The following KLHL1 variants were observed in gnomAD, a reference collection of about 807,000 sequenced individuals.
The protein encoded by KLHL1 is kelch-like protein 1.
In KLHL1, 47 loss-of-function variants were observed where a neutral mutation model predicts 77.7. That is an observed-to-expected ratio of 0.60 (90% confidence interval 0.48 to 0.77). KLHL1 has a LOEUF of 0.77. Among genes scored for constraint, KLHL1 ranks in the 30% least tolerant of loss-of-function variants. The pLI is 0.00. For synonymous variants in KLHL1, 360 were observed against 325.2 expected (o/e 1.11, Z -1.15); for missense variants, 925 against 910.8 (o/e 1.02, Z -0.20).
At chr13:70,058,430 A>C (rs1259219570) in intron 1 of KLHL1, among the ~76,000 whole-genome samples, 1 of 152,216 alleles carries the variant, frequency 6.6e-6, no homozygotes, top group African/African-American at 2.4e-5. Context: ...TATGTATGCC[A>C]AGAGTGAACA....
chr13:69,779,671 G>A (rs1876033239), intron 7 of KLHL1, among the ~76,000 whole-genome samples: 1 of 151,818 alleles, frequency 6.6e-6, no homozygotes. Flanking sequence ...TATCAAATCT[G>A]CCTTAGTAGT....
intron 1 of KLHL1, among the ~76,000 whole-genome samples, chr13:70,056,297 T>A (rs1886742526): frequency 6.6e-6 from 1 of 152,040 alleles, no homozygotes; most frequent in Non-Finnish European, 1.5e-5. Context: ...ATAACAATTG[T>A]AAATATATAT....
intron 1 of KLHL1, among the ~76,000 whole-genome samples, chr13:70,037,911 T>C (rs745898192): frequency 8.5e-5 from 13 of 152,176 alleles, no homozygotes; most frequent in Non-Finnish European, 1.9e-4. Flanking sequence ...TTTACCACTT[T>C]AGACTTTTTT....
At chr13:70,103,713 C>A (rs958658539) in intron 1 of KLHL1, among the ~76,000 whole-genome samples, 6 of 151,930 alleles carry the variant, frequency 3.9e-5, no homozygotes, top group Non-Finnish European at 7.4e-5. Flanking sequence ...CCAATGTGAC[C>A]CTGGAATTCT....
At chr13:69,856,507 T>C (rs1353324356) in intron 5 of KLHL1, among the ~76,000 whole-genome samples, 5 of 151,994 alleles carry the variant, frequency 3.3e-5, no homozygotes, top group Non-Finnish European at 7.4e-5. Flanking sequence ...GCAAGCAGGG[T>C]AAAATCGCAG....
intron 7 of KLHL1, among the ~76,000 whole-genome samples, chr13:69,773,545 T>A (rs551727794): frequency 6.6e-6 from 1 of 152,138 alleles, no homozygotes; most frequent in African/African-American, 2.4e-5. Context: ...GTAGAATTGC[T>A]AATCTAAATA....
chr13:70,102,362 A>G (rs1182633866), intron 1 of KLHL1, among the ~76,000 whole-genome samples: 2 of 152,230 alleles, frequency 1.3e-5, no homozygotes, highest in Non-Finnish European at 2.9e-5. Flanking sequence ...AAAATAAAAT[A>G]CACTGAATGA....
chr13:69,718,403 A>G (rs1374052982), intron 9 of KLHL1, among the ~76,000 whole-genome samples: 1 of 118,948 alleles, frequency 8.4e-6, no homozygotes. Context: ...GCAATGATCA[A>G]TATTCTAGGT....
chr13:69,975,883 G>T, intron 1 of KLHL1, 81 bp from the exon 2 acceptor site: 5 of 1,391,470 alleles, frequency 3.6e-6, no homozygotes, highest in South Asian at 1.8e-5. Flanking sequence ...ATAACATACA[G>T]GTTTTTATCA....
intron 1 of KLHL1, among the ~76,000 whole-genome samples, chr13:69,991,166 A>G (rs1412220197): frequency 1.3e-5 from 2 of 151,880 alleles, no homozygotes; most frequent in Admixed American, 1.3e-4. Flanking sequence ...TGTGAAGAGG[A>G]AAATTTATAG....
At chr13:69,953,693 T>G (rs2482551) in intron 3 of KLHL1, among the ~76,000 whole-genome samples, 94,876 of 150,688 alleles carry the variant, frequency 0.63, 29,940 homozygotes, top group African/African-American at 0.66. Flanking sequence ...TTTAAAAAAT[T>G]CACCATTATA....
chr13:70,004,409 T>A (rs1885360805), intron 1 of KLHL1, among the ~76,000 whole-genome samples: 1 of 151,876 alleles, frequency 6.6e-6, no homozygotes, highest in South Asian at 2.1e-4. Flanking sequence ...TTTAGCTATG[T>A]CCTGACCCTT....
chr13:69,925,687 T>C (rs1882792565), intron 4 of KLHL1, among the ~76,000 whole-genome samples: 1 of 74,636 alleles, frequency 1.3e-5, no homozygotes, highest in Admixed American at 1.4e-4. Flanking sequence ...AACTCTAACA[T>C]TTGAAGTTTT....
At position 69,920,559 on chromosome 13, in the gene KLHL1, T is replaced by C. The variant is rs530785970; in HGVS notation, c.1014+19481A>G. 3.9e-5 allele frequency among the ~76,000 whole-genome samples: 6 copies of C among 152,228 alleles called. No homozygotes were observed. The South Asian group carries it at 1.2e-3, about 32-fold the overall frequency. On this transcript the variant is annotated intron_variant, in intron 4 of 10. Coordinates refer to ENST00000377844, the MANE Select transcript of KLHL1 (RefSeq NM_020866.3). The stretch of plus-strand genomic sequence containing the variant: ...TTAAGAAAACTATATTGAGGAGCAA[T>C]ATAACAATGTATAAATGGGCTTTTT...
chr13:70,012,972 T>C (rs1885574683), intron 1 of KLHL1, among the ~76,000 whole-genome samples: 2 of 152,054 alleles, frequency 1.3e-5, no homozygotes, highest in African/African-American at 4.8e-5. Flanking sequence ...CCTAAGCCTA[T>C]TTATCACTTG....
At chr13:69,725,389 C>A (rs919004238) in intron 8 of KLHL1, among the ~76,000 whole-genome samples, 1 of 152,080 alleles carries the variant, frequency 6.6e-6, no homozygotes. Context: ...GAAGGAGCAC[C>A]ATCCCTCCCT....
At chr13:69,835,952 TAGTTTG>T (rs1878970722) in intron 6 of KLHL1, among the ~76,000 whole-genome samples, 1 of 152,134 alleles carries the variant, frequency 6.6e-6, no homozygotes, top group African/African-American at 2.4e-5. Context: ...CATGATGGAT[TAGTTTG>T]TATCAGACAA....
intron 1 of KLHL1, among the ~76,000 whole-genome samples, chr13:69,984,228 C>A (rs1034753950): frequency 6.6e-6 from 1 of 152,020 alleles, no homozygotes; most frequent in Non-Finnish European, 1.5e-5. Flanking sequence ...GGTAAGGTTT[C>A]TCTTTTAATA....
intron 1 of KLHL1, among the ~76,000 whole-genome samples, chr13:70,089,223 A>T (rs1887617884): frequency 6.6e-6 from 1 of 152,162 alleles, no homozygotes; most frequent in East Asian, 1.9e-4. Context: ...TTTCATGCTG[A>T]CTAATGCCAG....
Sources: gnomAD v4.1 joint callset for allele counts (sites outside exome capture counted in the v4.1 genomes callset) on GRCh38, gnomAD v4.1.1 for gene constraint, MANE v1.5 for transcripts, NCBI Gene and HGNC (gene_info 2026-07-23, HGNC 2026-07-21) for gene names.